RBM28: variants seen among roughly 807,000 people sequenced by gnomAD.
The protein encoded by RBM28 is RNA binding motif protein 28, also known as RNA-binding protein 28.
Under a neutral mutation model 98.3 loss-of-function variants are expected in RBM28, and 78 were observed. The ratio of observed to expected loss-of-function variants is 0.79; its 90% CI spans 0.66 to 0.96. The LOEUF (loss-of-function observed/expected upper bound fraction) is 0.96, where lower values mean the gene tolerates loss of function less well. Ranked by LOEUF, RBM28 falls within the 40% of genes least tolerant of loss-of-function variation. The pLI is 0.00. For missense variants in RBM28, 838 were observed against 913.0 expected, an observed-to-expected ratio of 0.92 and a Z score of 1.06; for synonymous variants, 306 against 330.9, an observed-to-expected ratio of 0.92 and a Z score of 0.82.
chr7:128,299,608 T>C lies in RBM28; in HGVS notation c.*11189A>G, dbSNP rs963483347. On this transcript the variant is annotated 3_prime_UTR_variant, in exon 19 of 19. Coordinates refer to ENST00000223073, the MANE Select transcript of RBM28 (RefSeq NM_018077.3). ...ATAGCAAAGGTTGGAAACCGTTGAA[T>C]GGGATTTCCATCACATAAAGAACTG... is the stretch of plus-strand genomic sequence containing the variant. 6.6e-6 allele frequency: 1 copy of C among 152,230 alleles called. No individual in the cohort carries two copies. The highest frequency in any genetic ancestry group is 1.5e-5 in the Non-Finnish European group (1 of 68,032). The allele number at this position is 152,230 out of a possible 1,614,324, so 9.4% of individuals were successfully genotyped here.
intron 10 of RBM28, among the ~76,000 whole-genome samples, chr7:128,330,269 A>C (rs1796449453): frequency 6.6e-6 from 1 of 152,150 alleles, no homozygotes; most frequent in Non-Finnish European, 1.5e-5. Flanking sequence ...ATTACCCTAA[A>C]GTAAATAAGC....
chr7:128,312,537 G>C (rs1346464007), intron 18 of RBM28, among the ~76,000 whole-genome samples: 1 of 152,132 alleles, frequency 6.6e-6, no homozygotes, highest in Non-Finnish European at 1.5e-5. Context: ...AATTAAAAAT[G>C]TAACACAAAT....
At chr7:128,316,119 C>T (rs2116327833) in intron 16 of RBM28, among the ~76,000 whole-genome samples, 1 of 120,078 alleles carries the variant, frequency 8.3e-6, no homozygotes, top group East Asian at 2.4e-4. Context: ...TATTATATGC[C>T]TAGTGTGTGC....
intron 15 of RBM28, 63 bp downstream of exon 15, chr7:128,317,894 G>T: frequency 6.3e-7 from 1 of 1,595,496 alleles, no homozygotes; most frequent in East Asian, 2.2e-5. Flanking sequence ...AGGCATAAAG[G>T]AGAAGGCTGG....
At chr7:128,313,956 C>CTCTTT (rs1195859414) in intron 17 of RBM28, among the ~76,000 whole-genome samples, 1 of 151,912 alleles carries the variant, frequency 6.6e-6, no homozygotes, top group Non-Finnish European at 1.5e-5. Context: ...CCAATTAAGC[C>CTCTTT]TCTTTTCTTT....
At chr7:128,339,611 C>G in intron 2 of RBM28, 22 bp downstream of exon 2, 1 of 1,611,564 alleles carries the variant, frequency 6.2e-7, no homozygotes, top group Non-Finnish European at 8.5e-7. Context: ...AGAAAAACTT[C>G]CTTCAATTAC....
At position 128,297,999 on chromosome 7, in the gene RBM28, A is replaced by T. The variant is rs1449086588; in HGVS notation, c.*12798T>A. On this transcript the variant is annotated 3_prime_UTR_variant, in exon 19 of 19. Transcript: ENST00000223073. ...CTGGGGACTATTGAGGGGTGGGGGGAGGGGGGAGGGATAGCATTGGGAGAT... is the reference window on the plus strand; with the variant it reads ...CTGGGGACTATTGAGGGGTGGGGGGTGGGGGGAGGGATAGCATTGGGAGAT... 7.6e-5 allele frequency: 6 copies of T among 79,378 alleles called. No homozygotes were observed. The highest frequency in any genetic ancestry group is 4.8e-5 in the African/African-American group (1 of 20,866). 4.9% of individuals were successfully genotyped at this position (79,378 alleles called of 1,614,324 possible).
intron 11 of RBM28, 135 bp from the exon 12 acceptor site, chr7:128,324,829 C>A: frequency 8.4e-7 from 1 of 1,186,046 alleles, no homozygotes; most frequent in Non-Finnish European, 1.2e-6. Context: ...GCCTGGCCAA[C>A]ATGGTGAAAC....
chr7:128,342,976 C>A (rs1452196212), intron 1 of RBM28, among the ~76,000 whole-genome samples: 4 of 152,274 alleles, frequency 2.6e-5, no homozygotes, highest in African/African-American at 9.6e-5. Flanking sequence ...ACTTCCTAAC[C>A]CCTTTCCCTG....
chr7:128,338,949 G>C lies in RBM28; in HGVS notation c.373-148C>G. 5 of 753,240 alleles carry C rather than the reference G, an allele frequency of 6.6e-6. No homozygotes were observed. In the South Asian group the frequency reaches 7.6e-5, roughly 11 times the overall value. The allele number at this position is 753,240 out of a possible 1,614,324, so 46.7% of individuals were successfully genotyped here. ...CTAGGACATCAAATGTTTCTAAATA[G>C]AAGACATTTTACTTTGTACCTAAGA... On this transcript the variant is annotated intron_variant, in intron 3 of 18. Coordinates refer to ENST00000223073, the MANE Select transcript of RBM28 (RefSeq NM_018077.3).
intron 10 of RBM28, among the ~76,000 whole-genome samples, chr7:128,329,622 G>A (rs989332707): frequency 5.3e-5 from 8 of 152,008 alleles, no homozygotes; most frequent in Admixed American, 6.6e-5. Flanking sequence ...AACGCCGGGC[G>A]CGCCTGTAAT....
intron 10 of RBM28, among the ~76,000 whole-genome samples, chr7:128,330,151 C>A (rs554717876): frequency 1.4e-4 from 21 of 151,638 alleles, no homozygotes; most frequent in African/African-American, 5.1e-4. Context: ...CTACCTCTAA[C>A]AAAAGCAACA....
In RBM28 at chr7:128,343,719, A is replaced by G; in HGVS notation, c.75T>C (p.Ser25=). The G allele has an allele frequency of 2.5e-6, 4 of 1,611,712 alleles. No homozygotes were observed. Among genetic ancestry groups the G allele is most frequent in the Non-Finnish European group, 3.4e-6 (4 of 1,178,826 alleles). ...ARSEQLEELF[S]QVGPVKQCFV... ...AGCACTGCTTCACCGGCCCCACCTG[A>G]CTGAACAGTTCCTCCAGCTGCTCAC... Residue 25 remains serine (S), a synonymous_variant, in exon 1 of 19, where the codon AGT becomes AGC. Coordinates refer to ENST00000223073, the MANE Select transcript of RBM28 (RefSeq NM_018077.3).
chr7:128,313,197 T>C lies in RBM28; in HGVS notation c.2123A>G (p.Lys708Arg). The C allele has an allele frequency of 3.7e-6, 6 of 1,614,196 alleles. No individual in the cohort carries two copies. Among genetic ancestry groups the C allele is most frequent in the Non-Finnish European group, 5.1e-6 (6 of 1,180,002 alleles). The change falls in exon 18 of 19, where the codon AAG (lysine) becomes AGG (arginine). Residue 708 changes from lysine to arginine, a missense_variant. Lys to Arg is a conservative substitution (Grantham distance 26). Transcript: ENST00000223073. ...CACCTGCTCGGACGATAATTGCTGC[T>C]TCTCCTGCTTCCACTGGTTTATCTG... ...KPQINQWKQEKQQLSSEQVSR... is the reference protein window; with the variant it reads ...KPQINQWKQERQQLSSEQVSR...
intron 1 of RBM28, among the ~76,000 whole-genome samples, chr7:128,340,893 T>C (rs1463196113): frequency 6.6e-6 from 1 of 152,220 alleles, no homozygotes; most frequent in Non-Finnish European, 1.5e-5. Context: ...GTGAATTGGT[T>C]AATGTCACAC....
chr7:128,310,701 T>C lies in RBM28; in HGVS notation c.*96A>G. On this transcript the variant is annotated 3_prime_UTR_variant, in exon 19 of 19. Transcript: ENST00000223073. ...ACAGTGGCAGTGCCCTTGGGGATTT[T>C]CTTTCCCTCAGTGAGAGACACGGGG... 1 of 1,525,894 alleles carries C rather than the reference T, an allele frequency of 6.6e-7. No homozygotes were observed. The highest frequency in any genetic ancestry group is 9.0e-7 in the Non-Finnish European group (1 of 1,109,310). 94.5% of individuals were successfully genotyped at this position (1,525,894 alleles called of 1,614,324 possible).
At chr7:128,316,102 GAACATTTATTA>G (rs768891293) in intron 16 of RBM28, among the ~76,000 whole-genome samples, 37,014 of 151,746 alleles carry the variant, frequency 0.24, 4,691 homozygotes, top group Non-Finnish European at 0.29. Context: ...ACGATACAAT[GAACATTTATTA>G]TATGCCTAGT....
In RBM28 at chr7:128,343,472, G is replaced by T. The variant is rs139667796; in HGVS notation, c.118+204C>A. Among the ~76,000 whole-genome samples the T allele has an allele frequency of 3.6e-3, 555 of 152,292 alleles. 2 individuals carry two copies. Among genetic ancestry groups the T allele is most frequent in the African/African-American group, 0.013 (532 of 41,550 alleles). On this transcript the variant is annotated intron_variant, in intron 1 of 18. Transcript: ENST00000223073. ...TTAGCGCGCATAATCAACAGAAAGC[G>T]CTATAGAAACGTAAGGGAATGCTTT...
chr7:128,323,728 G>A (rs1433230873), intron 12 of RBM28, 137 bp from the exon 13 acceptor site: 1 of 903,508 alleles, frequency 1.1e-6, no homozygotes, highest in Non-Finnish European at 1.7e-6. Context: ...GTGGCATTTG[G>A]TTAGGTCCAG....
Sources: gnomAD v4.1 joint callset for allele counts (sites outside exome capture counted in the v4.1 genomes callset) on GRCh38, gnomAD v4.1.1 for gene constraint, MANE v1.5 for transcripts, NCBI Gene and HGNC (gene_info 2026-07-23, HGNC 2026-07-21) for gene names.